The following RBPMS variants were observed in gnomAD, a reference collection of about 807,000 sequenced individuals.
RBPMS encodes RNA binding protein, mRNA processing factor.
RBPMS carries 7 observed loss-of-function variants against 26.8 expected under a neutral mutation model. That is an observed-to-expected ratio of 0.26 (90% CI 0.15 to 0.49). The LOEUF is 0.49. Among genes scored for constraint, RBPMS ranks in the 20% least tolerant of loss-of-function variants. The pLI, the probability that RBPMS is intolerant of heterozygous loss-of-function variation, is 0.98. For missense variants in RBPMS, 186 were observed against 250.0 expected (o/e 0.74, Z 1.73); for synonymous variants, 96 against 93.3 (o/e 1.03, Z -0.17).
intron 5 of RBPMS, among the ~76,000 whole-genome samples, chr8:30,536,558 A>G (rs1286550866): frequency 6.6e-6 from 1 of 152,124 alleles, no homozygotes; most frequent in Non-Finnish European, 1.5e-5. Context: ...CCCTCACCAA[A>G]TAACAGATGT....
At chr8:30,464,871 C>G (rs1007114364) in intron 1 of RBPMS, among the ~76,000 whole-genome samples, 1 of 152,146 alleles carries the variant, frequency 6.6e-6, no homozygotes, top group African/African-American at 2.4e-5. Flanking sequence ...TGACATTAAA[C>G]TTCAGGGTAC....
At chr8:30,561,047 A>AG (rs1827435240) in intron 7 of RBPMS, among the ~76,000 whole-genome samples, 1 of 152,170 alleles carries the variant, frequency 6.6e-6, no homozygotes, top group Non-Finnish European at 1.5e-5. Context: ...TTTAAATGGT[A>AG]GTGTTAGGAA....
intron 5 of RBPMS, among the ~76,000 whole-genome samples, chr8:30,529,405 G>A (rs958864228): frequency 3.9e-5 from 6 of 151,994 alleles, no homozygotes; most frequent in Admixed American, 2.6e-4. Flanking sequence ...GGGAGACTGA[G>A]GCAGGAGAAT....
chr8:30,470,957 T>C (rs1229120126), intron 1 of RBPMS, among the ~76,000 whole-genome samples: 1 of 152,224 alleles, frequency 6.6e-6, no homozygotes, highest in Non-Finnish European at 1.5e-5. Context: ...CCATAAACTT[T>C]ATAATATAAT....
At chr8:30,479,192 T>C in intron 3 of RBPMS, 123 bp from the exon 4 acceptor site, 1 of 716,580 alleles carries the variant, frequency 1.4e-6, no homozygotes, top group Non-Finnish European at 2.4e-6. Flanking sequence ...TTCGCTTTCT[T>C]ATTTCTGCCC....
At chr8:30,472,448 A>T (rs1425228528) in intron 1 of RBPMS, among the ~76,000 whole-genome samples, 2 of 152,288 alleles carry the variant, frequency 1.3e-5, no homozygotes, top group Non-Finnish European at 1.5e-5. Flanking sequence ...GGGCATGAAT[A>T]AACTTTTGGT....
intron 5 of RBPMS, among the ~76,000 whole-genome samples, chr8:30,516,912 A>ACACACACACACACACACACAC (rs1235361705): frequency 6.6e-6 from 1 of 151,778 alleles, no homozygotes; most frequent in East Asian, 2.0e-4. Flanking sequence ...ATACACACAC[A>ACACACACACACACACACACAC]CACACACACA....
At position 30,450,959 on chromosome 8, in the gene RBPMS, TAAAAAATATC is replaced by T. The variant is rs897746320; in HGVS notation, c.67-23810_67-23801del. ...ATCCTACAATGTATATTAAAATGAG[TAAAAAATATC>T]AAAAAATATGGTGACTAGCCAGTAT... is the stretch of plus-strand genomic sequence containing the variant. On this transcript the variant is annotated intron_variant, in intron 1 of 8. Transcript: ENST00000397323. Among the ~76,000 whole-genome samples the T allele has an allele frequency of 1.9e-3, 291 of 152,124 alleles. 1 individual carries two copies. The highest frequency in any genetic ancestry group is 6.3e-3 in the African/African-American group (260 of 41,508).
intron 1 of RBPMS, among the ~76,000 whole-genome samples, chr8:30,418,354 C>T (rs1054250602): frequency 5.3e-5 from 8 of 152,242 alleles, no homozygotes; most frequent in South Asian, 2.1e-4. Context: ...GTAGCTGGGA[C>T]GCAGGTGCAC....
In RBPMS at chr8:30,477,855, G is replaced by A; in HGVS notation, c.183+18G>A. On this transcript the variant is annotated intron_variant, in intron 3 of 8. Coordinates refer to ENST00000397323, the MANE Select transcript of RBPMS (RefSeq NM_001008710.3). ...CTAAACAGGTAAGAATTTCAAAGTG[G>A]CATATAAAGATCACTTTTTTACTTT... 6.4e-7 allele frequency: 1 copy of A among 1,550,518 alleles called. No individual in the cohort carries two copies. Among genetic ancestry groups the A allele is most frequent in the Non-Finnish European group, 8.9e-7 (1 of 1,123,600 alleles).
At chr8:30,432,196 A>T (rs1585438376) in intron 1 of RBPMS, among the ~76,000 whole-genome samples, 2 of 151,836 alleles carry the variant, frequency 1.3e-5, no homozygotes, top group African/African-American at 4.9e-5. Flanking sequence ...CCAATCTCTT[A>T]CTTATTAACA....
At chr8:30,556,741 T>C in intron 6 of RBPMS, 1 of 985,966 alleles carries the variant, frequency 1.0e-6, no homozygotes, top group Non-Finnish European at 1.2e-6. Context: ...GCTCCAACTC[T>C]GCTCTTTGCT....
chr8:30,562,151 T>G, intron 7 of RBPMS: 2 of 484,932 alleles, frequency 4.1e-6, no homozygotes, highest in Non-Finnish European at 5.4e-6. Context: ...GCCAACATGG[T>G]GAAACCCCGT....
At chr8:30,511,485 AAATATATATATATATATATATAT>A (rs1224429275) in intron 5 of RBPMS, among the ~76,000 whole-genome samples, 10 of 6,136 alleles carry the variant, frequency 1.6e-3, no homozygotes, top group African/African-American at 3.4e-3. Flanking sequence ...AAAAAAAAAA[AAATATATATATATATATATATAT>A]ATATATATAT....
Position 30,516,639 on chromosome 8 carries a change from A to G in RBPMS, c.397+12203A>G, listed in dbSNP as rs1171704438. On this transcript the variant is annotated intron_variant, in intron 5 of 8. Transcript: ENST00000397323. ...CAAGCTTATTTCAAGAAATGTGGAA[A>G]TTAAACAAAAATTTTTTAATACAAA... Among the ~76,000 whole-genome samples, 5 of 152,228 alleles carry G rather than the reference A, an allele frequency of 3.3e-5. 1 individual carries two copies. The highest frequency in any genetic ancestry group is 1.2e-4 in the African/African-American group (5 of 41,458).
chr8:30,437,071 C>A (rs1045962546), intron 1 of RBPMS, among the ~76,000 whole-genome samples: 1 of 151,612 alleles, frequency 6.6e-6, no homozygotes, highest in Non-Finnish European at 1.5e-5. Flanking sequence ...TATAGGCGCC[C>A]GCCACCATGC....
At chr8:30,440,269 AT>A (rs1812926046) in intron 1 of RBPMS, among the ~76,000 whole-genome samples, 1 of 152,054 alleles carries the variant, frequency 6.6e-6, no homozygotes, top group Non-Finnish European at 1.5e-5. Context: ...TGTTGAGTAT[AT>A]TCACATTGTT....
intron 1 of RBPMS, among the ~76,000 whole-genome samples, chr8:30,448,138 T>C (rs1298230347): frequency 6.6e-6 from 1 of 152,250 alleles, no homozygotes; most frequent in African/African-American, 2.4e-5. Flanking sequence ...TAATTCAGAA[T>C]GGAACACAGA....
chr8:30,482,566 A>G (rs140189158), intron 4 of RBPMS, among the ~76,000 whole-genome samples: 77 of 152,302 alleles, frequency 5.1e-4, no homozygotes, highest in African/African-American at 1.7e-3. Context: ...GTGTGGAAAA[A>G]CATGCTCAGA....
Sources: allele counts gnomAD v4.1 joint callset (sites outside exome capture counted in the v4.1 genomes callset), GRCh38; gene constraint gnomAD v4.1.1; transcripts MANE v1.5; gene names NCBI Gene and HGNC (gene_info 2026-07-23, HGNC 2026-07-21).